Variants in XPR1 observed in about 807,000 individuals in gnomAD.
The protein encoded by XPR1 is solute carrier family 53 member 1.
Under a neutral mutation model 87.5 loss-of-function variants are expected in XPR1, and 28 were observed. The ratio of observed to expected loss-of-function variants is 0.32; its 90% CI spans 0.24 to 0.44. XPR1 has a LOEUF of 0.44. Among genes scored for constraint, XPR1 ranks in the 20% least tolerant of loss-of-function variants. The pLI is 1.00. For missense variants in XPR1, 559 were observed against 862.3 expected (o/e 0.65, Z 4.41); for synonymous variants, 300 against 306.1 (o/e 0.98, Z 0.21).
At chr1:180,799,933 A>G (rs1236180065) in intron 3 of XPR1, among the ~76,000 whole-genome samples, 1 of 152,254 alleles carries the variant, frequency 6.6e-6, no homozygotes, top group Non-Finnish European at 1.5e-5. Flanking sequence ...GCGTAAACAA[A>G]TGAGTTAAGA....
At chr1:180,807,170 T>C (rs1160203565) in intron 6 of XPR1, among the ~76,000 whole-genome samples, 1 of 152,186 alleles carries the variant, frequency 6.6e-6, no homozygotes. Flanking sequence ...GGGTATTCAC[T>C]TTTAACACCT....
At chr1:180,832,904 C>A (rs1651122872) in intron 9 of XPR1, among the ~76,000 whole-genome samples, 1 of 152,160 alleles carries the variant, frequency 6.6e-6, no homozygotes, top group South Asian at 2.1e-4. Context: ...TGAAGAAAAT[C>A]AATGGCAGTT....
intron 2 of XPR1, among the ~76,000 whole-genome samples, chr1:180,736,639 A>G (rs573404982): frequency 6.6e-6 from 1 of 152,352 alleles, no homozygotes; most frequent in Non-Finnish European, 1.5e-5. Context: ...ATTTACATAC[A>G]GTATTTCATT....
At chr1:180,729,393 C>T (rs72723006) in intron 2 of XPR1, among the ~76,000 whole-genome samples, 8,140 of 152,152 alleles carry the variant, frequency 0.053, 314 homozygotes, top group Non-Finnish European at 0.079. Flanking sequence ...TAAGTGGCAA[C>T]GGTAGTTCTG....
intron 2 of XPR1, among the ~76,000 whole-genome samples, chr1:180,751,520 T>G (rs551021114): frequency 1.3e-5 from 2 of 152,228 alleles, no homozygotes; most frequent in South Asian, 4.1e-4. Flanking sequence ...GCCATATCTT[T>G]TATCTACTAC....
At chr1:180,687,676 AGTT>A (rs919661741) in intron 2 of XPR1, among the ~76,000 whole-genome samples, 14 of 152,082 alleles carry the variant, frequency 9.2e-5, no homozygotes, top group African/African-American at 3.4e-4. Flanking sequence ...TCAAATTCCT[AGTT>A]GTTTTGTTTC....
At chr1:180,783,820 C>G (rs944325562) in intron 2 of XPR1, among the ~76,000 whole-genome samples, 1 of 151,768 alleles carries the variant, frequency 6.6e-6, no homozygotes, top group African/African-American at 2.4e-5. Context: ...TTTGGGAGGC[C>G]GAGGCAGGTG....
rs1452892465 is a variant in XPR1, at chr1:180,886,684, T to A, written c.*2618T>A. 6.6e-6 allele frequency: 1 copy of A among 152,236 alleles called. No homozygotes were observed. Among genetic ancestry groups the A allele is most frequent in the Admixed American group, 6.5e-5 (1 of 15,286 alleles). The allele number at this position is 152,236 out of a possible 1,614,324, so 9.4% of individuals were successfully genotyped here. ...CACAGCTTTATGTTCCTCTTAAAGCTGTAAAGAGAAAAGAGGACTTTTCCT... is the reference window on the plus strand; with the variant it reads ...CACAGCTTTATGTTCCTCTTAAAGCAGTAAAGAGAAAAGAGGACTTTTCCT... On this transcript the variant is annotated 3_prime_UTR_variant, in exon 15 of 15. Coordinates refer to ENST00000367590, the MANE Select transcript of XPR1 (RefSeq NM_004736.4).
intron 2 of XPR1, among the ~76,000 whole-genome samples, chr1:180,710,918 C>T (rs1307897999): frequency 6.6e-6 from 1 of 151,990 alleles, no homozygotes; most frequent in African/African-American, 2.4e-5. Flanking sequence ...GGCGGAGACG[C>T]TCCTCACTTC....
chr1:180,693,955 T>TTTG (rs1001074534), intron 2 of XPR1, among the ~76,000 whole-genome samples: 4 of 152,054 alleles, frequency 2.6e-5, no homozygotes, highest in Non-Finnish European at 5.9e-5. Context: ...TAAAAAAATT[T>TTTG]TTGTTGTTGT....
At chr1:180,753,717 ATATC>A (rs1410971899) in intron 2 of XPR1, among the ~76,000 whole-genome samples, 2 of 152,182 alleles carry the variant, frequency 1.3e-5, no homozygotes, top group East Asian at 1.9e-4. Context: ...AGTTTGATAT[ATATC>A]TATATAGTAT....
At chr1:180,865,751 A>G (rs1652368489) in intron 12 of XPR1, among the ~76,000 whole-genome samples, 1 of 152,148 alleles carries the variant, frequency 6.6e-6, no homozygotes, top group African/African-American at 2.4e-5. Context: ...ACATAGTTCT[A>G]ACATAGTGAT....
intron 1 of XPR1, among the ~76,000 whole-genome samples, chr1:180,677,274 A>G (rs1386709454): frequency 6.6e-6 from 1 of 152,242 alleles, no homozygotes; most frequent in East Asian, 1.9e-4. Context: ...CAATAGCGAA[A>G]GAGTTTAATT....
At position 180,885,213 on chromosome 1, in the gene XPR1, A is replaced by G. The variant is rs1652975488; in HGVS notation, c.*1147A>G. On this transcript the variant is annotated 3_prime_UTR_variant, in exon 15 of 15. Coordinates refer to ENST00000367590, the MANE Select transcript of XPR1 (RefSeq NM_004736.4). ...CTTTAGCCAGAATTTGATCAAATTA[A>G]AAGTCTGTCATGGGGAAACTATATT... The G allele has an allele frequency of 6.6e-6, 1 of 152,646 alleles. No homozygotes were observed. The highest frequency in any genetic ancestry group is 1.5e-5 in the Non-Finnish European group (1 of 68,044). The allele number at this position is 152,646 out of a possible 1,614,324, so 9.5% of individuals were successfully genotyped here. A position where few individuals can be genotyped will look rare whatever the true frequency, so the allele number is the denominator to read the frequency against.
intron 2 of XPR1, among the ~76,000 whole-genome samples, chr1:180,717,013 A>T (rs1266982390): frequency 6.6e-6 from 1 of 152,076 alleles, no homozygotes; most frequent in South Asian, 2.1e-4. Flanking sequence ...TTTTTTGGAG[A>T]TGGAGTTTCA....
intron 1 of XPR1, among the ~76,000 whole-genome samples, chr1:180,668,465 T>G (rs1325779665): frequency 1.3e-5 from 2 of 152,116 alleles, no homozygotes; most frequent in Non-Finnish European, 1.5e-5. Context: ...ATTTAGTTTG[T>G]TCTTCTTTTT....
chr1:180,878,994 A>G (rs541887014), intron 13 of XPR1, among the ~76,000 whole-genome samples: 113 of 151,880 alleles, frequency 7.4e-4, no homozygotes, highest in Non-Finnish European at 1.4e-3. Context: ...TGAACTGCAG[A>G]CTCTCGTCCA....
chr1:180,657,793 T>C (rs1271621360), intron 1 of XPR1, among the ~76,000 whole-genome samples: 1 of 152,182 alleles, frequency 6.6e-6, no homozygotes, highest in African/African-American at 2.4e-5. Flanking sequence ...TTCATATAAA[T>C]TTTAGGATTT....
At chr1:180,767,020 T>C (rs986157898) in intron 2 of XPR1, among the ~76,000 whole-genome samples, 1 of 152,164 alleles carries the variant, frequency 6.6e-6, no homozygotes, top group African/African-American at 2.4e-5. Flanking sequence ...AGACAAAAAG[T>C]AAATTCTGAA....
Sources: gnomAD v4.1 joint callset for allele counts (sites outside exome capture counted in the v4.1 genomes callset) on GRCh38, gnomAD v4.1.1 for gene constraint, MANE v1.5 for transcripts, NCBI Gene and HGNC (gene_info 2026-07-23, HGNC 2026-07-21) for gene names.